The following ANKRD28 variants were observed in gnomAD, a reference collection of about 807,000 sequenced individuals.
The protein encoded by ANKRD28 is ankyrin repeat domain 28, also known as serine/threonine-protein phosphatase 6 regulatory ankyrin repeat subunit A.
ANKRD28 carries 44 observed loss-of-function variants against 126.5 expected under a neutral mutation model. That is an observed-to-expected ratio of 0.35 (90% CI 0.27 to 0.45). The LOEUF (loss-of-function observed/expected upper bound fraction) is 0.45, where lower values mean the gene tolerates loss of function less well. ANKRD28 is among the 20% of genes least tolerant of loss of function. The pLI is 1.00. For missense variants in ANKRD28, 1,110 were observed against 1,316.6 expected (o/e 0.84, Z 2.43); for synonymous variants, 442 against 468.5 (o/e 0.94, Z 0.73).
intron 17 of ANKRD28, 53 bp downstream of exon 17, chr3:15,694,686 G>C (rs919650730): frequency 6.7e-7 from 1 of 1,487,966 alleles, no homozygotes; most frequent in Middle Eastern, 1.7e-4. Flanking sequence ...TAGGTTATTA[G>C]ATATTTTCAG....
At chr3:15,803,255 G>A (rs893070252) in intron 1 of ANKRD28, among the ~76,000 whole-genome samples, 1 of 152,220 alleles carries the variant, frequency 6.6e-6, no homozygotes, top group African/African-American at 2.4e-5. Flanking sequence ...CTAGTTAGGA[G>A]ACCACTGCAG....
intron 3 of ANKRD28, among the ~76,000 whole-genome samples, chr3:15,758,310 G>T (rs1012974372): frequency 2.0e-5 from 3 of 152,136 alleles, no homozygotes; most frequent in Admixed American, 1.3e-4. Flanking sequence ...TTCAGATTCG[G>T]TTTTCAGGCT....
chr3:15,799,004 G>A (rs935471881), upstream of ANKRD28, among the ~76,000 whole-genome samples: 9 of 151,968 alleles, frequency 5.9e-5, no homozygotes, highest in Admixed American at 3.9e-4. Context: ...GGGAAAAACA[G>A]ACTCAGAAAT....
intron 3 of ANKRD28, among the ~76,000 whole-genome samples, chr3:15,761,104 C>T (rs1053213962): frequency 1.3e-4 from 20 of 152,060 alleles, no homozygotes; most frequent in Admixed American, 7.2e-4. Context: ...CTATGGATAT[C>T]GCAGTAGTTT....
In ANKRD28 at chr3:15,773,634, T is replaced by A. The variant is rs528938042; in HGVS notation, c.202-7322A>T. On this transcript the variant is annotated intron_variant, in intron 2 of 27. Coordinates refer to ENST00000683139, the MANE Select transcript of ANKRD28 (RefSeq NM_001349278.2). ...TCCATGTCAAAAAAGAAAAAAAAAA[T>A]TTCAAGATTTGTATGCTGAAAACTA... is the stretch of plus-strand genomic sequence containing the variant. Among the ~76,000 whole-genome samples the A allele has an allele frequency of 3.3e-5, 5 of 151,710 alleles. No individual in the cohort carries two copies. The South Asian group carries it at 6.3e-4, about 19-fold the overall frequency.
chr3:15,855,764 G>A (rs2061752054), intron 1 of ANKRD28, among the ~76,000 whole-genome samples: 1 of 152,200 alleles, frequency 6.6e-6, no homozygotes, highest in Non-Finnish European at 1.5e-5. Context: ...TGGCTGCCAG[G>A]GCTGGGAGAA....
intron 7 of ANKRD28, among the ~76,000 whole-genome samples, chr3:15,723,477 A>C (rs2073932354): frequency 6.6e-6 from 1 of 152,140 alleles, no homozygotes; most frequent in Non-Finnish European, 1.5e-5. Flanking sequence ...CTTTGTCAGA[A>C]CTCTCCCTGA....
intron 12 of ANKRD28, among the ~76,000 whole-genome samples, chr3:15,710,045 T>C (rs2072021844): frequency 1.3e-5 from 2 of 151,336 alleles, no homozygotes; most frequent in African/African-American, 2.4e-5. Context: ...GGTTTTTTTT[T>C]TTTTCTTGAA....
At chr3:15,859,591 C>T in exon 1 of ANKRD28, 1 of 199,412 alleles carries the variant, frequency 5.0e-6, no homozygotes. Context: ...CCGCCGCCGC[C>T]GCCGCCGCCG....
intron 8 of ANKRD28, among the ~76,000 whole-genome samples, chr3:15,719,168 A>G (rs1290156978): frequency 6.6e-6 from 1 of 152,142 alleles, no homozygotes; most frequent in Non-Finnish European, 1.5e-5. Flanking sequence ...GTATGTATAC[A>G]TTTTGTCCTG....
In ANKRD28 at chr3:15,668,061, A is replaced by G. The variant is rs2066074911; in HGVS notation, c.*2209T>C. On this transcript the variant is annotated 3_prime_UTR_variant, in exon 28 of 28. Transcript: ENST00000683139. ...TTGGAGGACAGACCCAGGCCCAAAG[A>G]CAGAAGTTACCGGGAGGGAGGCTTC... The G allele has an allele frequency of 6.6e-6, 1 of 152,246 alleles. No individual in the cohort carries two copies. Among genetic ancestry groups the G allele is most frequent in the Non-Finnish European group, 1.5e-5 (1 of 68,078 alleles). 9.4% of individuals were successfully genotyped at this position (152,246 alleles called of 1,614,324 possible).
chr3:15,725,028 T>C (rs948620861), intron 6 of ANKRD28, among the ~76,000 whole-genome samples: 1 of 152,100 alleles, frequency 6.6e-6, no homozygotes, highest in Non-Finnish European at 1.5e-5. Context: ...TTTTGGTAAG[T>C]GTTGGCAGAG....
intron 1 of ANKRD28, among the ~76,000 whole-genome samples, chr3:15,836,993 G>T (rs1457428626): frequency 6.6e-6 from 1 of 151,782 alleles, no homozygotes; most frequent in East Asian, 1.9e-4. Flanking sequence ...CTTGCTACTT[G>T]GGAGGCTGAG....
chr3:15,773,021 G>A (rs1038617141), intron 2 of ANKRD28, among the ~76,000 whole-genome samples: 4 of 151,874 alleles, frequency 2.6e-5, no homozygotes, highest in Non-Finnish European at 5.9e-5. Flanking sequence ...TCCTACCCAA[G>A]TACTTGTCAG....
At chr3:15,768,081 C>T (rs1029716124) in intron 2 of ANKRD28, among the ~76,000 whole-genome samples, 2 of 152,036 alleles carry the variant, frequency 1.3e-5, no homozygotes, top group Admixed American at 1.3e-4. Flanking sequence ...AAAAGAGCTG[C>T]CTTACTAGCT....
At chr3:15,715,234 G>T (rs942741379) in intron 8 of ANKRD28, among the ~76,000 whole-genome samples, 7 of 152,086 alleles carry the variant, frequency 4.6e-5, no homozygotes, top group Non-Finnish European at 1.0e-4. Context: ...TTCTGATTAG[G>T]TAGTGTCTTT....
chr3:15,792,033 T>C (rs13434326), intron 2 of ANKRD28, among the ~76,000 whole-genome samples: 5,812 of 152,232 alleles, frequency 0.038, 376 homozygotes, highest in African/African-American at 0.13. Context: ...TGAGATATCA[T>C]CTTGTCCCAG....
chr3:15,761,388 G>A (rs760292834), intron 3 of ANKRD28, among the ~76,000 whole-genome samples: 1 of 152,052 alleles, frequency 6.6e-6, no homozygotes, highest in Non-Finnish European at 1.5e-5. Context: ...TTTACCTAGA[G>A]AATTGATCAG....
chr3:15,717,302 A>C (rs112204040), intron 8 of ANKRD28, among the ~76,000 whole-genome samples: 2 of 152,156 alleles, frequency 1.3e-5, no homozygotes, highest in Non-Finnish European at 2.9e-5. Flanking sequence ...ATAAGCCTAT[A>C]TGTGGCACTG....
Sources: allele counts gnomAD v4.1 joint callset (sites outside exome capture counted in the v4.1 genomes callset), GRCh38; gene constraint gnomAD v4.1.1; transcripts MANE v1.5; gene names NCBI Gene and HGNC (gene_info 2026-07-23, HGNC 2026-07-21).